DMD: variants seen among roughly 807,000 people sequenced by gnomAD.
The protein encoded by DMD is dystrophin, also known as mutant dystrophin.
DMD carries 63 observed loss-of-function variants against 330.1 expected under a neutral mutation model. The observed-to-expected ratio is 0.19, with a 90% CI of 0.16 to 0.24. The LOEUF is 0.24. DMD is among the 10% of genes least tolerant of loss of function. The pLI, the probability that DMD is intolerant of heterozygous loss-of-function variation, is 1.00. For missense variants in DMD, 3,344 were observed against 2,684.1 expected (o/e 1.25, Z -5.43); for synonymous variants, 1,223 against 959.8 (o/e 1.27, Z -5.07).
chrX:31,822,655 T>G (rs1013457839), intron 49 of DMD, among the ~76,000 whole-genome samples: 3 of 60,730 alleles, frequency 4.9e-5, no homozygotes, highest in Non-Finnish European at 8.6e-5. Flanking sequence ...GGCAGAGGGG[T>G]GTGTGTGTGT....
chrX:33,181,782 G>C (rs1305779164), intron 1 of DMD, among the ~76,000 whole-genome samples: 1 of 111,633 alleles, frequency 9.0e-6, no homozygotes, highest in Non-Finnish European at 1.9e-5. Context: ...ATGCACAGAG[G>C]CTTTGAAAAA....
At chrX:31,792,689 G>A (rs1332604342) in intron 50 of DMD, among the ~76,000 whole-genome samples, 1 of 111,941 alleles carries the variant, frequency 8.9e-6, no homozygotes, top group Non-Finnish European at 1.9e-5. Context: ...TCACTGGAGG[G>A]AGTGTGCAAG....
intron 44 of DMD, among the ~76,000 whole-genome samples, chrX:32,163,696 A>T (rs2096858176): frequency 9.0e-6 from 1 of 111,674 alleles, no homozygotes; most frequent in South Asian, 3.7e-4. Context: ...GTTAATATCA[A>T]TTTCCTGGTT....
At chrX:31,665,069 G>A (rs1032779965) in intron 53 of DMD, among the ~76,000 whole-genome samples, 1 of 111,562 alleles carries the variant, frequency 9.0e-6, no homozygotes, top group East Asian at 2.8e-4. Context: ...CTTGTTCAAG[G>A]TGACATAGCT....
intron 63 of DMD, among the ~76,000 whole-genome samples, chrX:31,259,841 A>C (rs189819781): frequency 9.9e-5 from 11 of 110,572 alleles, no homozygotes; most frequent in South Asian, 7.7e-4. Context: ...ACACACACAC[A>C]CCCCACTTAC....
At chrX:31,938,873 T>C (rs771254146) in intron 45 of DMD, among the ~76,000 whole-genome samples, 9 of 111,857 alleles carry the variant, frequency 8.0e-5, no homozygotes, top group South Asian at 7.4e-4. Flanking sequence ...AATTGTGATG[T>C]CATACAACCA....
intron 29 of DMD, among the ~76,000 whole-genome samples, chrX:32,436,126 G>T (rs147234779): frequency 2.6e-3 from 289 of 112,122 alleles, no homozygotes; most frequent in Non-Finnish European, 3.2e-3. Flanking sequence ...GTCATCCCAT[G>T]GGAGGCAGAC....
Position 31,121,836 on chromosome X carries a change from T to A in DMD, c.*83A>T. 8.5e-7 allele frequency: 1 copy of A among 1,179,928 alleles called. No homozygotes were observed. The highest frequency in any genetic ancestry group is 1.7e-5 in the African/African-American group (1 of 57,255). ...GGAATCAGGAGTTGTAAAACATTTA[T>A]TCTGCTCCTTCTTCATCTGTCATGA... is the stretch of plus-strand genomic sequence containing the variant. On this transcript the variant is annotated 3_prime_UTR_variant, in exon 79 of 79. Transcript: ENST00000357033.
At position 31,946,905 on chromosome X, in the gene DMD, A is replaced by G. The variant is rs945902260; in HGVS notation, c.6615-14678T>C. Among the ~76,000 whole-genome samples, 3 of 111,307 alleles carry G rather than the reference A, an allele frequency of 2.7e-5. No individual in the cohort carries two copies. The East Asian group carries it at 8.5e-4, about 32-fold the overall frequency. On this transcript the variant is annotated intron_variant, in intron 45 of 78. Coordinates refer to ENST00000357033, the MANE Select transcript of DMD (RefSeq NM_004006.3). ...TTAATAGTTGCTAAGAAAATGCCAC[A>G]TAATTTATTTGCTATATGACTTAAA...
At chrX:32,464,529 A>G in intron 24 of DMD, 57 bp downstream of exon 24, 2 of 941,761 alleles carry the variant, frequency 2.1e-6, no homozygotes, top group Non-Finnish European at 3.1e-6. Flanking sequence ...CACTGATCTA[A>G]CCAAATAATA....
rs1428474549 is a variant in DMD at position 33,010,027 on chromosome X, TAC to T, written c.93+10110_93+10111del. Among the ~76,000 whole-genome samples, 9 of 44,015 alleles carry T rather than the reference TAC, an allele frequency of 2.0e-4. 1 individual carries two copies. The highest frequency in any genetic ancestry group is 3.7e-4 in the Non-Finnish European group (6 of 16,191). 38.2% of individuals were successfully genotyped at this position (44,015 alleles called of 115,157 possible). The stretch of plus-strand genomic sequence containing the variant: ...GTATGTGTATATACACATATGTGTG[TAC>T]ATGTGTATATACACATGTGTATATA... On this transcript the variant is annotated intron_variant, in intron 2 of 78. Transcript: ENST00000357033.
At chrX:32,248,994 C>A (rs927249520) in intron 43 of DMD, among the ~76,000 whole-genome samples, 1 of 110,821 alleles carries the variant, frequency 9.0e-6, no homozygotes, top group African/African-American at 3.3e-5. Flanking sequence ...AATAAGTTAA[C>A]AAAGGATGAA....
In DMD at chrX:32,364,592, T is replaced by C. The variant is rs151109270; in HGVS notation, c.5144A>G (p.Asp1715Gly). The change falls in exon 36 of 79, where the codon GAC becomes GGC. Residue 1715 changes from aspartate (D) to glycine (G), a missense_variant. Asp to Gly is a moderately conservative substitution (Grantham distance 94, BLOSUM62 -1). Transcript: ENST00000357033. The stretch of plus-strand genomic sequence containing the variant: ...TATTTTATTTGCTACCTTAAGCACG[T>C]CTTCTTTTTGCTGGGGTTTCTTTTT... ...SEKKKPQQKE[D>G]VLKRLKAELN... 6.6e-6 allele frequency: 8 copies of C among 1,209,459 alleles called. No individual in the cohort carries two copies. In the African/African-American group the frequency reaches 1.0e-4, roughly 16 times the overall value.
chrX:32,750,284 C>T (rs968791947), intron 7 of DMD, among the ~76,000 whole-genome samples: 2 of 111,618 alleles, frequency 1.8e-5, no homozygotes, highest in African/African-American at 3.3e-5. Flanking sequence ...AAGCTAGTTT[C>T]TTCAGATTAA....
At chrX:31,350,592 CGT>C (rs747001189) in intron 60 of DMD, among the ~76,000 whole-genome samples, 2,212 of 85,049 alleles carry the variant, frequency 0.026, 38 homozygotes, top group Admixed American at 0.042. Flanking sequence ...AAATGTGGTA[CGT>C]GTGTGTGTGT....
In DMD at chrX:32,491,268, G is replaced by C. The variant is rs375399258; in HGVS notation, c.2622+9C>G. On this transcript the variant is annotated intron_variant, in intron 20 of 78. Coordinates refer to ENST00000357033, the MANE Select transcript of DMD (RefSeq NM_004006.3). ...TTATGCTCCAAATGGAAGGAGAAGA[G>C]ATTCTTACCTTACAAATTTTTAACT... The C allele has an allele frequency of 7.4e-6, 9 of 1,211,481 alleles. No homozygotes were observed. The Admixed American group carries it at 1.5e-4, about 20-fold the overall frequency.
intron 62 of DMD, among the ~76,000 whole-genome samples, chrX:31,267,844 C>A (rs1186724478): frequency 8.9e-6 from 1 of 112,607 alleles, no homozygotes. Flanking sequence ...TTCATTAGCA[C>A]AAGAATTTTC....
chrX:32,775,226 C>T (rs964425583), intron 7 of DMD, among the ~76,000 whole-genome samples: 2 of 112,453 alleles, frequency 1.8e-5, no homozygotes, highest in Admixed American at 1.9e-4. Context: ...TTCACAGTGC[C>T]TGCAGCTTTT....
intron 53 of DMD, among the ~76,000 whole-genome samples, chrX:31,669,924 T>A (rs979008169): frequency 2.9e-4 from 32 of 110,586 alleles, no homozygotes; most frequent in African/African-American, 1.0e-3. Context: ...GATATCTTAA[T>A]AATATTAAGT....
Sources: gnomAD v4.1 joint callset for allele counts (sites outside exome capture counted in the v4.1 genomes callset) on GRCh38, gnomAD v4.1.1 for gene constraint, MANE v1.5 for transcripts, NCBI Gene and HGNC (gene_info 2026-07-23, HGNC 2026-07-21) for gene names.